The following NRG3 variants were observed in gnomAD, a reference collection of about 807,000 sequenced individuals.
NRG3 encodes neuregulin 3.
Under a neutral mutation model 66.9 loss-of-function variants are expected in NRG3, and 31 were observed. The observed-to-expected ratio is 0.46, with a 90% CI of 0.35 to 0.63. The LOEUF is 0.63. Ranked by LOEUF, NRG3 falls within the 20% of genes least tolerant of loss-of-function variation. The pLI is 0.00. For missense variants in NRG3, 910 were observed against 878.9 expected (o/e 1.04, Z -0.45); for synonymous variants, 393 against 359.4 (o/e 1.09, Z -1.06).
At chr10:81,900,248 G>A (rs768947281) in intron 1 of NRG3, among the ~76,000 whole-genome samples, 11 of 124,004 alleles carry the variant, frequency 8.9e-5, no homozygotes, top group South Asian at 2.5e-4. Context: ...GCGCCTGGCC[G>A]GTTTTTAACG....
At chr10:82,821,388 T>C (rs924308102) in intron 3 of NRG3, among the ~76,000 whole-genome samples, 5 of 152,168 alleles carry the variant, frequency 3.3e-5, no homozygotes, top group Non-Finnish European at 7.3e-5. Context: ...TCCAAAGTCT[T>C]CTTGCCACTG....
rs575354773 is a variant in NRG3 at position 82,543,680 on chromosome 10, G to A, written c.953+184812G>A. On this transcript the variant is annotated intron_variant, in intron 2 of 8. Coordinates refer to ENST00000372141, the MANE Select transcript of NRG3 (RefSeq NM_001010848.4). ...TATTACCTTATTTACATTTATAATA[G>A]TTCCAAGAGGTAAGTTTTTGTATAT... is the stretch of plus-strand genomic sequence containing the variant. Among the ~76,000 whole-genome samples the A allele has an allele frequency of 1.7e-4, 26 of 152,298 alleles. No homozygotes were observed. The South Asian group carries it at 5.4e-3, about 32-fold the overall frequency.
chr10:82,662,162 C>T lies in NRG3; in HGVS notation c.954-76415C>T, dbSNP rs187644833. Among the ~76,000 whole-genome samples, 26 of 152,290 alleles carry T rather than the reference C, an allele frequency of 1.7e-4. 1 individual carries two copies. Among genetic ancestry groups the T allele is most frequent in the Admixed American group, 6.5e-4 (10 of 15,298 alleles). The stretch of plus-strand genomic sequence containing the variant: ...TCATATTGTTTGCTGTCCTGGCTGT[C>T]TCTTTTCTTTTCTTTCATATCTTTT... On this transcript the variant is annotated intron_variant, in intron 2 of 8. Transcript: ENST00000372141.
intron 2 of NRG3, among the ~76,000 whole-genome samples, chr10:82,387,534 G>A (rs1000594828): frequency 5.3e-5 from 8 of 152,188 alleles, no homozygotes; most frequent in African/African-American, 1.9e-4. Context: ...AGGAAAGACT[G>A]ACCAAATCTG....
intron 1 of NRG3, among the ~76,000 whole-genome samples, chr10:82,222,083 T>TG (rs940991302): frequency 3.3e-5 from 5 of 151,958 alleles, no homozygotes; most frequent in African/African-American, 1.2e-4. Flanking sequence ...TGGCCTATAG[T>TG]GGAAGGGCCT....
chr10:82,779,333 C>G (rs1806773206), intron 3 of NRG3, among the ~76,000 whole-genome samples: 1 of 152,148 alleles, frequency 6.6e-6, no homozygotes, highest in Admixed American at 6.6e-5. Flanking sequence ...CTGATTTTAG[C>G]TGGGGGCATG....
intron 3 of NRG3, among the ~76,000 whole-genome samples, chr10:82,816,911 G>C (rs7905900): frequency 0.42 from 64,436 of 152,088 alleles, 14,882 homozygotes; most frequent in African/African-American, 0.63. Context: ...CCCAGACCAT[G>C]CCTGAGAGTG....
At chr10:82,588,685 T>TAG (rs2046814197) in intron 2 of NRG3, among the ~76,000 whole-genome samples, 1 of 152,020 alleles carries the variant, frequency 6.6e-6, no homozygotes, top group Admixed American at 6.6e-5. Context: ...GTGTTTTTAG[T>TAG]AGAGATGGGG....
chr10:82,102,138 A>ATGTG (rs2066789363), intron 1 of NRG3, among the ~76,000 whole-genome samples: 3 of 23,000 alleles, frequency 1.3e-4, no homozygotes, highest in Non-Finnish European at 3.4e-4. Context: ...GTATTCATAT[A>ATGTG]TATATATATA....
At chr10:82,444,403 C>CA (rs960967859) in intron 2 of NRG3, among the ~76,000 whole-genome samples, 1 of 151,922 alleles carries the variant, frequency 6.6e-6, no homozygotes, top group Non-Finnish European at 1.5e-5. Flanking sequence ...ACCCCCAGCC[C>CA]AAAAAATTAT....
intron 2 of NRG3, among the ~76,000 whole-genome samples, chr10:82,639,988 T>C (rs1313284388): frequency 6.6e-6 from 1 of 152,258 alleles, no homozygotes; most frequent in African/African-American, 2.4e-5. Context: ...GTTCTCATCA[T>C]TTAGCTCCCA....
intron 2 of NRG3, among the ~76,000 whole-genome samples, chr10:82,398,486 C>A (rs1398256084): frequency 7.3e-6 from 1 of 136,950 alleles, no homozygotes; most frequent in African/African-American, 3.0e-5. Flanking sequence ...ATCTTGGCTT[C>A]GTGTATGTGT....
At chr10:82,177,049 G>T (rs185799897) in intron 1 of NRG3, among the ~76,000 whole-genome samples, 1 of 151,800 alleles carries the variant, frequency 6.6e-6, no homozygotes, top group Non-Finnish European at 1.5e-5. Context: ...CCTTACCTGC[G>T]TAATAATGAT....
At chr10:82,094,108 A>C (rs1227225246) in intron 1 of NRG3, among the ~76,000 whole-genome samples, 2 of 152,214 alleles carry the variant, frequency 1.3e-5, no homozygotes, top group Non-Finnish European at 2.9e-5. Flanking sequence ...CTTTTGGTTC[A>C]TATTGAAAGA....
At chr10:82,861,040 A>G (rs570949187) in intron 3 of NRG3, among the ~76,000 whole-genome samples, 2 of 152,124 alleles carry the variant, frequency 1.3e-5, no homozygotes, top group African/African-American at 2.4e-5. Flanking sequence ...TTCTTCATGG[A>G]TTTTCATTAA....
intron 1 of NRG3, among the ~76,000 whole-genome samples, chr10:81,962,025 C>T (rs936672517): frequency 6.6e-6 from 1 of 152,134 alleles, no homozygotes; most frequent in Non-Finnish European, 1.5e-5. Flanking sequence ...CCCTATTAAG[C>T]CAAAAACTCT....
At chr10:82,821,747 T>A (rs1259126982) in intron 3 of NRG3, among the ~76,000 whole-genome samples, 2 of 152,192 alleles carry the variant, frequency 1.3e-5, no homozygotes, top group Non-Finnish European at 2.9e-5. Context: ...TTAACTTCCC[T>A]GACTACATTT....
intron 1 of NRG3, among the ~76,000 whole-genome samples, chr10:82,295,426 G>A (rs2080004971): frequency 6.6e-6 from 1 of 152,092 alleles, no homozygotes; most frequent in African/African-American, 2.4e-5. Context: ...GACCTCGGTG[G>A]AGCCTGTTTT....
At chr10:81,963,203 G>A (rs1164520422) in intron 1 of NRG3, among the ~76,000 whole-genome samples, 3 of 128,746 alleles carry the variant, frequency 2.3e-5, no homozygotes, top group Admixed American at 1.9e-4. Flanking sequence ...GCGGGATCTC[G>A]GCTCACTGCA....
Sources: gnomAD v4.1 joint callset for allele counts (sites outside exome capture counted in the v4.1 genomes callset) on GRCh38, gnomAD v4.1.1 for gene constraint, MANE v1.5 for transcripts, NCBI Gene and HGNC (gene_info 2026-07-23, HGNC 2026-07-21) for gene names.